The following WASF3 variants were observed in gnomAD, a reference collection of about 807,000 sequenced individuals.
The protein encoded by WASF3 is actin-binding protein WASF3.
In WASF3, 11 loss-of-function variants were observed where a neutral mutation model predicts 46.6. That is an observed-to-expected ratio of 0.24 (90% CI 0.15 to 0.39). WASF3 has a LOEUF of 0.39. WASF3 is among the 10% of genes least tolerant of loss of function. The probability of loss-of-function intolerance (pLI) is 1.00; values close to 1 mark genes in which losing one functional copy is unlikely to be tolerated. For synonymous variants in WASF3, 242 were observed against 259.7 expected, an observed-to-expected ratio of 0.93 and a Z score of 0.65; for missense variants, 576 against 669.8, an observed-to-expected ratio of 0.86 and a Z score of 1.55.
chr13:26,570,214 G>C (rs1879593309), intron 1 of WASF3, among the ~76,000 whole-genome samples: 1 of 152,154 alleles, frequency 6.6e-6, no homozygotes, highest in African/African-American at 2.4e-5. Flanking sequence ...CTTGAACCTG[G>C]GAGGTGGAGG....
intron 1 of WASF3, among the ~76,000 whole-genome samples, chr13:26,607,715 A>G (rs1279758581): frequency 6.6e-6 from 1 of 151,686 alleles, no homozygotes; most frequent in African/African-American, 2.4e-5. Context: ...CACTCACTGC[A>G]GTGTCAGCCT....
At chr13:26,563,947 C>A (rs1879380079) in intron 1 of WASF3, among the ~76,000 whole-genome samples, 1 of 152,096 alleles carries the variant, frequency 6.6e-6, no homozygotes, top group Non-Finnish European at 1.5e-5. Context: ...TCCCTGGGAT[C>A]TTTTCTCAGG....
At chr13:26,673,979 G>C (rs1039695634) in intron 6 of WASF3, among the ~76,000 whole-genome samples, 1 of 152,100 alleles carries the variant, frequency 6.6e-6, no homozygotes, top group African/African-American at 2.4e-5. Context: ...GAGAGGTGTG[G>C]GGGGCAGATG....
chr13:26,546,486 T>C, the WASF3 span, among the ~76,000 whole-genome samples: 1 of 152,192 alleles, frequency 6.6e-6, no homozygotes, highest in Non-Finnish European at 1.5e-5. Context: ...GTGGATCACC[T>C]GAGGACCTGG....
chr13:26,543,822 A>G, the WASF3 span, among the ~76,000 whole-genome samples: 35,160 of 152,130 alleles, frequency 0.23, 4,418 homozygotes, highest in East Asian at 0.3. Context: ...TCCATTGGCA[A>G]TCGAGTGGAA....
chr13:26,681,082 T>C lies in WASF3; in HGVS notation c.745T>C (p.Ser249Pro), dbSNP rs1472391905. 9.3e-6 allele frequency: 15 copies of C among 1,614,046 alleles called. No homozygotes were observed. The highest frequency in any genetic ancestry group is 1.3e-5 in the Non-Finnish European group (15 of 1,179,968). The change falls in exon 8 of 10, where the codon TCT becomes CCT. Residue 249 changes from serine to proline, a missense_variant. Transcript: ENST00000335327. ...ACATGCATCGGACGTTACGGATTAC[T>C]CTTACCCGGCTACTCCCAACCATTC... ...RSHASDVTDY[S>P]YPATPNHSLH...
rs1308000378 is a variant in WASF3 at position 26,681,100 on chromosome 13, A to T, written c.763A>T (p.Asn255Tyr). 6 of 1,614,052 alleles carry T rather than the reference A, an allele frequency of 3.7e-6. No homozygotes were observed. Among genetic ancestry groups the T allele is most frequent in the Non-Finnish European group, 5.1e-6 (6 of 1,180,028 alleles). ...VTDYSYPATP[N>Y]HSLHPQPVTP... The stretch of plus-strand genomic sequence containing the variant: ...GGATTACTCTTACCCGGCTACTCCC[A>T]ACCATTCTCTGCACCCCCAGCCTGT... Residue 255 changes from asparagine to tyrosine, a missense_variant, in exon 8 of 10, where the codon AAC becomes TAC. By Grantham distance (143) the Asn-to-Tyr change is moderately radical (BLOSUM62 -2). Transcript: ENST00000335327.
chr13:26,577,778 C>A, intron 1 of WASF3: 1 of 632,030 alleles, frequency 1.6e-6, no homozygotes, highest in South Asian at 1.9e-5. Flanking sequence ...AGACCTTATT[C>A]AGATTTCACT....
At chr13:26,622,165 G>A (rs1881326493) in intron 2 of WASF3, among the ~76,000 whole-genome samples, 1 of 152,078 alleles carries the variant, frequency 6.6e-6, no homozygotes, top group Admixed American at 6.6e-5. Context: ...TAATTACCTG[G>A]CATGCAGCAA....
chr13:26,669,790 A>G (rs772072380), intron 5 of WASF3, among the ~76,000 whole-genome samples: 11 of 152,244 alleles, frequency 7.2e-5, no homozygotes, highest in Non-Finnish European at 1.2e-4. Flanking sequence ...CTGGGATCAC[A>G]GGCATCAGCC....
chr13:26,593,850 G>A (rs57248839), intron 1 of WASF3, among the ~76,000 whole-genome samples: 1 of 152,078 alleles, frequency 6.6e-6, no homozygotes, highest in South Asian at 2.1e-4. Flanking sequence ...TACTGCATAG[G>A]TCATTGCATA....
At chr13:26,584,733 G>A (rs1361843330) in intron 1 of WASF3, among the ~76,000 whole-genome samples, 1 of 152,206 alleles carries the variant, frequency 6.6e-6, no homozygotes, top group African/African-American at 2.4e-5. Context: ...AAGGATGTGA[G>A]ATAATTATTC....
chr13:26,667,697 C>T (rs765322091), intron 5 of WASF3, 27 bp downstream of exon 5: 32 of 1,606,832 alleles, frequency 2.0e-5, no homozygotes, highest in Middle Eastern at 1.7e-4. Context: ...CCCAGAGCCT[C>T]TCCTTGAGAT....
intron 1 of WASF3, among the ~76,000 whole-genome samples, chr13:26,588,755 A>G (rs981873848): frequency 6.6e-6 from 1 of 152,088 alleles, no homozygotes; most frequent in Admixed American, 6.6e-5. Flanking sequence ...TCATCTAACA[A>G]GTTAAAATGG....
chr13:26,577,639 A>G lies in WASF3; in HGVS notation c.-109+19820A>G. On this transcript the variant is annotated intron_variant, in intron 1 of 9. Coordinates refer to ENST00000335327, the MANE Select transcript of WASF3 (RefSeq NM_006646.6). ...GCAAGACAGGTGCTAAAGTTGAATGAGCTGATGGATATGAACCACCAGTCC... is the reference window on the plus strand; with the variant it reads ...GCAAGACAGGTGCTAAAGTTGAATGGGCTGATGGATATGAACCACCAGTCC... 3 of 1,200,102 alleles carry G rather than the reference A, an allele frequency of 2.5e-6. No individual in the cohort carries two copies. The South Asian group carries it at 3.7e-5, about 15-fold the overall frequency. 74.3% of individuals were successfully genotyped at this position (1,200,102 alleles called of 1,614,324 possible).
upstream of WASF3, among the ~76,000 whole-genome samples, chr13:26,556,289 C>T (rs532105876): frequency 5.8e-4 from 89 of 152,338 alleles, no homozygotes; most frequent in Middle Eastern, 0.017. Context: ...GGTATCTATA[C>T]TTTCATATTT....
intron 3 of WASF3, among the ~76,000 whole-genome samples, chr13:26,652,051 A>G (rs1375948723): frequency 6.6e-6 from 1 of 152,248 alleles, no homozygotes; most frequent in East Asian, 1.9e-4. Flanking sequence ...CAGATGATAG[A>G]TTGAATCCTA....
intron 1 of WASF3, among the ~76,000 whole-genome samples, chr13:26,576,251 T>C (rs1164223914): frequency 6.6e-6 from 1 of 152,198 alleles, no homozygotes; most frequent in Non-Finnish European, 1.5e-5. Context: ...CCCTTGGACA[T>C]CTTAATTCCT....
chr13:26,658,674 A>C (rs1882536037), intron 3 of WASF3, among the ~76,000 whole-genome samples: 1 of 152,182 alleles, frequency 6.6e-6, no homozygotes, highest in Non-Finnish European at 1.5e-5. Context: ...TTCAGCTGAT[A>C]GTTGTTGAGC....
Sources: gnomAD v4.1 joint callset for allele counts (sites outside exome capture counted in the v4.1 genomes callset) on GRCh38, gnomAD v4.1.1 for gene constraint, MANE v1.5 for transcripts, NCBI Gene and HGNC (gene_info 2026-07-23, HGNC 2026-07-21) for gene names.